CD300A: variants seen among roughly 807,000 people sequenced by gnomAD.
CD300A encodes the protein CD300a molecule.
Under a neutral mutation model 33.6 loss-of-function variants are expected in CD300A, and 22 were observed. That is an observed-to-expected ratio of 0.66 (90% confidence interval 0.47 to 0.94). The LOEUF is 0.94. Among genes scored for constraint, CD300A ranks in the 40% least tolerant of loss-of-function variants. The probability of loss-of-function intolerance (pLI) is 0.00; values close to 1 mark genes in which losing one functional copy is unlikely to be tolerated. For missense variants in CD300A, 326 were observed against 360.5 expected (o/e 0.90, Z 0.77); for synonymous variants, 136 against 148.1 (o/e 0.92, Z 0.59).
Position 74,480,324 on chromosome 17 carries a change from C to T in CD300A, c.629-965C>T, listed in dbSNP as rs1295780590. ...CCAGTGCAGTGGGCTCTGGGGTTGC[C>T]TGGCTGTGGACCTAACCAAGGGCAT... On this transcript the variant is annotated intron_variant, in intron 4 of 6. Transcript: ENST00000360141. This position sits in a 1 kb window ranked among gnomAD's most constrained non-coding sequence, Gnocchi z 4.2. 6.6e-6 allele frequency among the ~76,000 whole-genome samples: 1 copy of T among 152,166 alleles called. No individual in the cohort carries two copies. The highest frequency in any genetic ancestry group is 1.5e-5 in the Non-Finnish European group (1 of 68,002).
chr17:74,467,896 A>G (rs1905828488), intron 1 of CD300A, among the ~76,000 whole-genome samples: 1 of 152,204 alleles, frequency 6.6e-6, no homozygotes, highest in Admixed American at 6.5e-5. Flanking sequence ...GGCCCAGCGG[A>G]CATAGTGGTA....
chr17:74,473,981 A>G (rs1906290214), intron 2 of CD300A, 107 bp downstream of exon 2: 7 of 1,045,696 alleles, frequency 6.7e-6, no homozygotes, highest in Non-Finnish European at 9.4e-6. Flanking sequence ...TGTGTGCGTA[A>G]GAGAGAGAGA....
At chr17:74,468,259 C>A (rs1186660326) in intron 1 of CD300A, among the ~76,000 whole-genome samples, 2 of 152,122 alleles carry the variant, frequency 1.3e-5, no homozygotes, top group African/African-American at 2.4e-5. Flanking sequence ...GTCTCAAACT[C>A]CCAACCTCAG....
intron 1 of CD300A, among the ~76,000 whole-genome samples, chr17:74,468,983 A>G (rs1206052549): frequency 2.0e-5 from 3 of 152,164 alleles, no homozygotes; most frequent in African/African-American, 7.2e-5. Context: ...TTCAGCTATG[A>G]AGGAGGTGAA....
At chr17:74,479,336 C>T (rs185657452) in intron 4 of CD300A, among the ~76,000 whole-genome samples, 219 of 152,210 alleles carry the variant, frequency 1.4e-3, no homozygotes, top group African/African-American at 5.0e-3. Context: ...CCCCACTGCC[C>T]GGGGCTCCAG....
At chr17:74,472,755 G>A (rs552681681) in intron 1 of CD300A, among the ~76,000 whole-genome samples, 9 of 151,976 alleles carry the variant, frequency 5.9e-5, no homozygotes, top group African/African-American at 1.2e-4. Context: ...AATTACAGGC[G>A]CATGCCACCA....
chr17:74,482,335 G>C (rs988906646), intron 6 of CD300A, among the ~76,000 whole-genome samples: 1 of 151,780 alleles, frequency 6.6e-6, no homozygotes, highest in East Asian at 2.0e-4. Flanking sequence ...AGAGAGGATC[G>C]GGAGGGATGT....
intron 2 of CD300A, among the ~76,000 whole-genome samples, chr17:74,474,097 C>T (rs1906298360): frequency 6.6e-6 from 1 of 151,878 alleles, no homozygotes; most frequent in Non-Finnish European, 1.5e-5. Flanking sequence ...GCTGAGAGAG[C>T]GTTGCCTGTG....
At chr17:74,478,923 A>G (rs1356341274) in intron 4 of CD300A, among the ~76,000 whole-genome samples, 1 of 152,180 alleles carries the variant, frequency 6.6e-6, no homozygotes, top group Non-Finnish European at 1.5e-5. Context: ...ATTTTCTGGT[A>G]ATCCCATCCT....
intron 1 of CD300A, among the ~76,000 whole-genome samples, chr17:74,467,382 G>C (rs1905794255): frequency 3.9e-5 from 6 of 152,278 alleles, no homozygotes; most frequent in African/African-American, 1.4e-4. Flanking sequence ...TGAGAACCAG[G>C]GGTCAGTCCT....
chr17:74,470,378 G>C, intron 1 of CD300A: 2 of 354,270 alleles, frequency 5.6e-6, no homozygotes, highest in Non-Finnish European at 7.9e-6. Context: ...GAGAAGAGAA[G>C]TTAATCAGGA....
chr17:74,476,158 G>C (rs749748508), intron 3 of CD300A, among the ~76,000 whole-genome samples: 16 of 152,132 alleles, frequency 1.1e-4, no homozygotes, highest in Non-Finnish European at 4.4e-5. Flanking sequence ...TGGGAGGTTG[G>C]GCTGGCTCAG....
intron 1 of CD300A, chr17:74,467,028 T>A: frequency 1.5e-6 from 2 of 1,316,258 alleles, no homozygotes; most frequent in South Asian, 3.6e-5. Context: ...AGGTTTTCAG[T>A]TGAATTCTTA....
chr17:74,472,268 C>A (rs1241584650), intron 1 of CD300A, among the ~76,000 whole-genome samples: 1 of 151,810 alleles, frequency 6.6e-6, no homozygotes, highest in African/African-American at 2.4e-5. Context: ...GAGTTCTAAC[C>A]CAAGGAAAGA....
rs569134620 is a variant in CD300A at position 74,466,928 on chromosome 17, C to A, written c.40+185C>A. On this transcript the variant is annotated intron_variant, in intron 1 of 6. Transcript: ENST00000360141. ...TCCACACCCCTGGGAGAGGAAGGAG[C>A]CAGGGCCTCTCCCGGCTCTGCACCC... 42 of 1,447,644 alleles carry A rather than the reference C, an allele frequency of 2.9e-5. No individual in the cohort carries two copies. The African/African-American group carries it at 5.4e-4, about 19-fold the overall frequency. 89.7% of individuals were successfully genotyped at this position (1,447,644 alleles called of 1,614,324 possible). A position where few individuals can be genotyped will look rare whatever the true frequency, so the allele number is the denominator to read the frequency against.
chr17:74,467,623 G>A (rs551704688), intron 1 of CD300A, among the ~76,000 whole-genome samples: 55 of 152,324 alleles, frequency 3.6e-4, no homozygotes, highest in African/African-American at 1.2e-3. Flanking sequence ...CTAGTCCTAG[G>A]GTATTGTACG....
chr17:74,473,473 C>T (rs1256795660), intron 1 of CD300A, 63 bp from the exon 2 acceptor site: 15 of 1,516,072 alleles, frequency 9.9e-6, no homozygotes, highest in Non-Finnish European at 1.3e-5. Flanking sequence ...CGGCCCTGAC[C>T]CCAGGGCACC....
At chr17:74,476,760 C>T (rs1347548112) in intron 3 of CD300A, among the ~76,000 whole-genome samples, 1 of 152,142 alleles carries the variant, frequency 6.6e-6, no homozygotes, top group Non-Finnish European at 1.5e-5. Context: ...ACAGTCTATC[C>T]ATGTGTTGGA....
At chr17:74,476,920 G>T (rs968755797) in intron 3 of CD300A, among the ~76,000 whole-genome samples, 1 of 152,016 alleles carries the variant, frequency 6.6e-6, no homozygotes, top group African/African-American at 2.4e-5. Context: ...ATTCGTATTT[G>T]CTTGTATACA....
Sources: gnomAD v4.1 joint callset for allele counts (sites outside exome capture counted in the v4.1 genomes callset) on GRCh38, gnomAD v4.1.1 for gene constraint, Gnocchi (gnomAD v3.1) non-coding constraint, MANE v1.5 for transcripts, NCBI Gene and HGNC (gene_info 2026-07-23, HGNC 2026-07-21) for gene names.